The following ADAMTS12 variants were observed in gnomAD, a reference collection of about 807,000 sequenced individuals.
ADAMTS12 encodes the protein A disintegrin and metalloproteinase with thrombospondin motifs 12.
ADAMTS12 carries 118 observed loss-of-function variants against 167.8 expected under a neutral mutation model. The observed-to-expected ratio is 0.70, with a 90% CI of 0.61 to 0.82. The LOEUF (loss-of-function observed/expected upper bound fraction) is 0.82, where lower values mean the gene tolerates loss of function less well. Among genes scored for constraint, ADAMTS12 ranks in the 40% least tolerant of loss-of-function variants. ADAMTS12 has a pLI of 0.00. For synonymous variants in ADAMTS12, 704 were observed against 716.9 expected, an observed-to-expected ratio of 0.98 and a Z score of 0.29; for missense variants, 1,916 against 1,998.8, an observed-to-expected ratio of 0.96 and a Z score of 0.79.
chr5:33,779,289 G>A (rs906503555), intron 2 of ADAMTS12, among the ~76,000 whole-genome samples: 2 of 150,924 alleles, frequency 1.3e-5, no homozygotes, highest in South Asian at 2.1e-4. Context: ...AGGTTCAAGC[G>A]ATTCTCCTGC....
intron 2 of ADAMTS12, among the ~76,000 whole-genome samples, chr5:33,801,494 G>A (rs1747007989): frequency 6.6e-6 from 1 of 152,158 alleles, no homozygotes; most frequent in Non-Finnish European, 1.5e-5. Context: ...GTGTCATTAG[G>A]AAACACACTC....
intron 18 of ADAMTS12, among the ~76,000 whole-genome samples, chr5:33,584,571 G>C (rs554505861): frequency 2.0e-5 from 3 of 152,276 alleles, no homozygotes; most frequent in Non-Finnish European, 4.4e-5. Flanking sequence ...GAGTAGCATG[G>C]AAAACAGACT....
At position 33,615,899 on chromosome 5, in the gene ADAMTS12, GA is replaced by G; in HGVS notation, c.2316del (p.Gln773SerfsTer11). 1 of 1,614,084 alleles carries G rather than the reference GA, an allele frequency of 6.2e-7. No homozygotes were observed. Among genetic ancestry groups the G allele is most frequent in the Admixed American group, 1.7e-5 (1 of 60,012 alleles). ...TCCAGGTCTCCTTTCCTGTCATACT[GA>G]AAGACAGTCCCTGCCAGCTTATAGT... The part of the protein sequence containing the change: ...NGNYKLAGTV[F>X]QYDRKGDLEK... On this transcript the variant is annotated frameshift_variant, in exon 15 of 24. Transcript: ENST00000504830. LOFTEE classifies it high-confidence loss of function.
In ADAMTS12 at chr5:33,576,980, G is replaced by A. The variant is rs776601368; in HGVS notation, c.3046C>T (p.Pro1016Ser). ...NKGTISNGKNPPTLKPVPPPT... is the reference protein window; with the variant it reads ...NKGTISNGKNSPTLKPVPPPT... ...GGAGGGACGGGCTTTAGTGTTGGTG[G>A]GTTTTTTCCATTGGAAATAGTGCCT... Residue 1016 changes from proline (P) to serine (S), a missense_variant, in exon 19 of 24, where the codon CCA becomes TCA. Coordinates refer to ENST00000504830, the MANE Select transcript of ADAMTS12 (RefSeq NM_030955.4). 6.2e-7 allele frequency: 1 copy of A among 1,614,018 alleles called. No homozygotes were observed. Among genetic ancestry groups the A allele is most frequent in the Non-Finnish European group, 8.5e-7 (1 of 1,180,028 alleles).
chr5:33,590,568 C>T (rs1028671182), intron 17 of ADAMTS12, among the ~76,000 whole-genome samples: 1 of 152,196 alleles, frequency 6.6e-6, no homozygotes, highest in Non-Finnish European at 1.5e-5. Flanking sequence ...AAGAAGACCC[C>T]CGCCAGATCA....
At chr5:33,733,693 GC>G (rs1367698668) in intron 3 of ADAMTS12, among the ~76,000 whole-genome samples, 5 of 152,088 alleles carry the variant, frequency 3.3e-5, no homozygotes, top group Non-Finnish European at 5.9e-5. Flanking sequence ...TTTGGCTAAA[GC>G]ATCCTTGTGA....
intron 2 of ADAMTS12, among the ~76,000 whole-genome samples, chr5:33,771,832 T>G (rs574857723): frequency 4.0e-5 from 6 of 151,672 alleles, no homozygotes; most frequent in Non-Finnish European, 8.8e-5. Flanking sequence ...TTTTCTTTCT[T>G]TCTTTCTTTT....
At chr5:33,539,600 A>G (rs1744584930) in intron 22 of ADAMTS12, among the ~76,000 whole-genome samples, 1 of 152,170 alleles carries the variant, frequency 6.6e-6, no homozygotes, top group Non-Finnish European at 1.5e-5. Flanking sequence ...CTCAAGACCC[A>G]CAGCAGCCGT....
intron 18 of ADAMTS12, among the ~76,000 whole-genome samples, chr5:33,587,462 A>G (rs909008011): frequency 6.6e-6 from 1 of 152,014 alleles, no homozygotes; most frequent in Non-Finnish European, 1.5e-5. Flanking sequence ...TATTGTTATT[A>G]TTATTATTTT....
At chr5:33,591,043 T>C (rs1747610905) in intron 17 of ADAMTS12, among the ~76,000 whole-genome samples, 2 of 151,822 alleles carry the variant, frequency 1.3e-5, no homozygotes, top group Admixed American at 1.3e-4. Context: ...ATACTGTTTT[T>C]ATATTTATGG....
At chr5:33,777,300 T>C (rs1005858624) in intron 2 of ADAMTS12, among the ~76,000 whole-genome samples, 3 of 151,926 alleles carry the variant, frequency 2.0e-5, no homozygotes, top group Non-Finnish European at 4.4e-5. Context: ...CAAACGAAAT[T>C]CACTGGCACA....
chr5:33,643,527 A>G (rs903258148), intron 9 of ADAMTS12, 57 bp from the exon 10 acceptor site: 11 of 1,510,102 alleles, frequency 7.3e-6, no homozygotes, highest in Non-Finnish European at 1.0e-5. Flanking sequence ...AAGCATTTCT[A>G]TAGTTACAGT....
At chr5:33,797,507 G>A (rs199998535) in intron 2 of ADAMTS12, among the ~76,000 whole-genome samples, 215 of 150,210 alleles carry the variant, frequency 1.4e-3, no homozygotes, top group African/African-American at 5.0e-3. Flanking sequence ...GGGACACAGC[G>A]AGATTGACCC....
chr5:33,543,586 G>A (rs1270186275), intron 22 of ADAMTS12, among the ~76,000 whole-genome samples: 3 of 152,182 alleles, frequency 2.0e-5, no homozygotes, highest in Non-Finnish European at 4.4e-5. Context: ...CAATATCCAT[G>A]ATGAACATCA....
Position 33,763,564 on chromosome 5 carries a change from T to C in ADAMTS12, c.490-12016A>G, listed in dbSNP as rs73759094. Among the ~76,000 whole-genome samples the C allele has an allele frequency of 9.3e-3, 1,418 of 152,240 alleles. 18 individuals are homozygous for C. Among genetic ancestry groups the C allele is most frequent in the African/African-American group, 0.033 (1,366 of 41,552 alleles). ...TGTGAAAGCAGCCCTAGGAAACTAA[T>C]ACACCCTAGGGGGTGGTCATGGAAA... On this transcript the variant is annotated intron_variant, in intron 2 of 23. Transcript: ENST00000504830.
intron 2 of ADAMTS12, among the ~76,000 whole-genome samples, chr5:33,813,932 G>T (rs1408625804): frequency 6.6e-6 from 1 of 152,210 alleles, no homozygotes; most frequent in African/African-American, 2.4e-5. Flanking sequence ...TTTTGAGGTG[G>T]TTTGTTATGA....
chr5:33,604,352 T>C (rs1194099352), intron 16 of ADAMTS12, among the ~76,000 whole-genome samples: 1 of 151,998 alleles, frequency 6.6e-6, no homozygotes, highest in Non-Finnish European at 1.5e-5. Context: ...AATTACAAAA[T>C]TAGCTGGGTG....
intron 3 of ADAMTS12, 127 bp from the exon 4 acceptor site, chr5:33,684,182 G>A (rs72741422): frequency 0.2 from 131,660 of 666,266 alleles, 13,353 homozygotes; most frequent in East Asian, 0.27. Flanking sequence ...ATGTTTTTAC[G>A]TACATAACCA....
intron 2 of ADAMTS12, among the ~76,000 whole-genome samples, chr5:33,826,318 G>A (rs1184429777): frequency 1.3e-5 from 2 of 151,992 alleles, no homozygotes; most frequent in Non-Finnish European, 2.9e-5. Context: ...TCTGCTCAGT[G>A]AGGGCAAATG....
Sources: allele counts gnomAD v4.1 joint callset (sites outside exome capture counted in the v4.1 genomes callset), GRCh38; gene constraint gnomAD v4.1.1; transcripts MANE v1.5; gene names NCBI Gene and HGNC (gene_info 2026-07-23, HGNC 2026-07-21).